MSR1: variants seen among roughly 807,000 people sequenced by gnomAD.
MSR1 encodes macrophage scavenger receptor types I and II.
Under a neutral mutation model 47.2 loss-of-function variants are expected in MSR1, and 53 were observed. That is an observed-to-expected ratio of 1.12 (90% CI 0.90 to 1.41). The LOEUF (loss-of-function observed/expected upper bound fraction) is 1.41, where lower values mean the gene tolerates loss of function less well. Among genes scored for constraint, MSR1 ranks in the 40% most tolerant of loss-of-function variants. MSR1 has a pLI of 0.00. For missense variants in MSR1, 786 were observed against 546.9 expected (o/e 1.44, Z -4.36); for synonymous variants, 239 against 185.6 (o/e 1.29, Z -2.34).
chr8:16,111,965 C>G (rs113279335), intron 9 of MSR1, among the ~76,000 whole-genome samples: 15,434 of 152,086 alleles, frequency 0.1, 977 homozygotes, highest in South Asian at 0.2. Context: ...TAGCAAATCT[C>G]CTTTGGTGCC....
At chr8:16,147,069 C>A (rs537938990) in intron 7 of MSR1, among the ~76,000 whole-genome samples, 21 of 152,222 alleles carry the variant, frequency 1.4e-4, no homozygotes, top group African/African-American at 5.1e-4. Flanking sequence ...GACAGAAGTA[C>A]GTTATTTGCA....
At chr8:16,186,154 C>A in intron 1 of MSR1, 1 of 1,533,512 alleles carries the variant, frequency 6.5e-7, no homozygotes, top group Admixed American at 2.0e-5. Flanking sequence ...GTTGTTCATG[C>A]TCACGGTTTT....
At chr8:16,134,831 T>C (rs1800351026) in intron 8 of MSR1, among the ~76,000 whole-genome samples, 1 of 152,154 alleles carries the variant, frequency 6.6e-6, no homozygotes, top group Non-Finnish European at 1.5e-5. Flanking sequence ...CAAACCACCT[T>C]ATTGCCGATA....
intron 4 of MSR1, among the ~76,000 whole-genome samples, chr8:16,168,086 A>G (rs1585180714): frequency 6.6e-6 from 1 of 152,182 alleles, no homozygotes; most frequent in Admixed American, 6.5e-5. Context: ...AAAAAATCTA[A>G]GCATATCAAA....
chr8:16,112,297 C>T (rs1484505795), intron 9 of MSR1, among the ~76,000 whole-genome samples: 1 of 152,012 alleles, frequency 6.6e-6, no homozygotes, highest in Non-Finnish European at 1.5e-5. Flanking sequence ...TTTATAATAA[C>T]CTTGTTAAAT....
intron 9 of MSR1, among the ~76,000 whole-genome samples, chr8:16,118,459 T>A (rs1799926316): frequency 6.6e-6 from 1 of 152,144 alleles, no homozygotes; most frequent in African/African-American, 2.4e-5. Context: ...AAACGTGGGC[T>A]GGGTGGCGTG....
In MSR1 at chr8:16,183,867, A is replaced by C. The variant is rs865883462; in HGVS notation, c.-4-5875T>G. 3.4e-4 allele frequency among the ~76,000 whole-genome samples: 49 copies of C among 143,524 alleles called. No homozygotes were observed. The Middle Eastern group carries it at 0.014, about 42-fold the overall frequency. 94.2% of individuals were successfully genotyped at this position (143,524 alleles called of 152,430 possible). ...ATAGAATTGGCAATATATAATATTA[A>C]ATATATTTATATTATTATATAATAT... On this transcript the variant is annotated intron_variant, in intron 1 of 9. Coordinates refer to ENST00000262101, the MANE Select transcript of MSR1 (RefSeq NM_138715.3).
chr8:16,164,244 C>G lies in MSR1; in HGVS notation c.638G>C (p.Ser213Thr). The G allele has an allele frequency of 6.2e-7, 1 of 1,611,302 alleles. No homozygotes were observed. The highest frequency in any genetic ancestry group is 8.5e-7 in the Non-Finnish European group (1 of 1,178,454). ...ENTFKQQEEI[S>T]KLEERVYNVS... ...ATTGTAAACACGCTCCTCTAATTTA[C>G]TGATTTCCTGTAAAACATAAGTGAG... Residue 213 changes from serine to threonine, a missense_variant, in exon 5 of 10, where the codon AGT becomes ACT. Physicochemically the swap from Ser to Thr is moderately conservative, Grantham distance 58. Coordinates refer to ENST00000262101, the MANE Select transcript of MSR1 (RefSeq NM_138715.3).
At chr8:16,162,900 G>A (rs1313094175) in intron 5 of MSR1, among the ~76,000 whole-genome samples, 1 of 151,588 alleles carries the variant, frequency 6.6e-6, no homozygotes, top group Non-Finnish European at 1.5e-5. Context: ...CCACAAGATT[G>A]TCTGTATAAA....
chr8:16,141,466 T>C (rs1800555400), intron 8 of MSR1, among the ~76,000 whole-genome samples: 3 of 152,124 alleles, frequency 2.0e-5, no homozygotes. Flanking sequence ...TGTGTAGCCA[T>C]TGAGAGAAAA....
intron 9 of MSR1, among the ~76,000 whole-genome samples, chr8:16,113,019 C>T (rs763428260): frequency 6.9e-6 from 1 of 145,128 alleles, no homozygotes; most frequent in East Asian, 2.0e-4. Flanking sequence ...GGCGTGATCT[C>T]GGCTCACTGC....
At chr8:16,133,073 G>T (rs902394669) in intron 8 of MSR1, among the ~76,000 whole-genome samples, 2 of 152,066 alleles carry the variant, frequency 1.3e-5, no homozygotes, top group Admixed American at 6.6e-5. Context: ...CACATTTATT[G>T]ATTTGCAAAC....
At chr8:16,175,382 A>G (rs2117202534) in intron 2 of MSR1, 82 bp from the exon 3 acceptor site, 1 of 1,106,852 alleles carries the variant, frequency 9.0e-7, no homozygotes, top group East Asian at 2.5e-5. Flanking sequence ...CTCCAATTAT[A>G]TTCTTACTAC....
In MSR1 at chr8:16,168,472, AG is replaced by A; in HGVS notation, c.615del (p.Phe206SerfsTer10). Reference sequence around the variant, plus strand: ...CAAACTCTTACCTCTTGTTGTTTGAAGGTATTCTCTTGGATTTTGCCATTCA... The same window carrying A: ...CAAACTCTTACCTCTTGTTGTTTGAAGTATTCTCTTGGATTTTGCCATTCA... ...ENLNGKIQEN[T>X]FKQQEEISKL... On this transcript the variant is annotated frameshift_variant, in exon 4 of 10. Transcript: ENST00000262101. LOFTEE classifies it high-confidence loss of function. The A allele has an allele frequency of 9.9e-6, 16 of 1,614,102 alleles. No homozygotes were observed. The highest frequency in any genetic ancestry group is 1.4e-5 in the Non-Finnish European group (16 of 1,179,998).
intron 1 of MSR1, among the ~76,000 whole-genome samples, chr8:16,178,850 G>T (rs1214570714): frequency 6.6e-6 from 1 of 151,868 alleles, no homozygotes; most frequent in African/African-American, 2.4e-5. Flanking sequence ...TTTCTCTGAT[G>T]GCCAGTGATG....
chr8:16,135,310 T>C (rs1209151017), intron 8 of MSR1, among the ~76,000 whole-genome samples: 1 of 152,174 alleles, frequency 6.6e-6, no homozygotes. Context: ...GCTCATTTGC[T>C]ATTCTGAAAA....
chr8:16,185,070 TG>T (rs1348499003), intron 1 of MSR1, among the ~76,000 whole-genome samples: 1 of 151,938 alleles, frequency 6.6e-6, no homozygotes, highest in African/African-American at 2.4e-5. Flanking sequence ...TTGTGCACCA[TG>T]GGAAGTCTGT....
rs73205031 is a variant in MSR1, at chr8:16,153,178, G to A, written c.898+1886C>T. Among the ~76,000 whole-genome samples the A allele has an allele frequency of 1.5e-3, 224 of 152,118 alleles. 1 individual carries two copies. The highest frequency in any genetic ancestry group is 2.5e-3 in the Non-Finnish European group (173 of 67,976). ...AGTTTAGTAGGCTCAAATGGATGTAGAGATGGGGAAGCAATAAACCTGCTC... is the reference window on the plus strand; with the variant it reads ...AGTTTAGTAGGCTCAAATGGATGTAAAGATGGGGAAGCAATAAACCTGCTC... On this transcript the variant is annotated intron_variant, in intron 6 of 9. Coordinates refer to ENST00000262101, the MANE Select transcript of MSR1 (RefSeq NM_138715.3).
chr8:16,166,332 T>C (rs1217953312), intron 4 of MSR1, among the ~76,000 whole-genome samples: 1 of 151,216 alleles, frequency 6.6e-6, no homozygotes, highest in African/African-American at 2.4e-5. Flanking sequence ...TAATTTTTTT[T>C]TTTTTAATTT....
Sources: gnomAD v4.1 joint callset for allele counts (sites outside exome capture counted in the v4.1 genomes callset) on GRCh38, gnomAD v4.1.1 for gene constraint, MANE v1.5 for transcripts, NCBI Gene and HGNC (gene_info 2026-07-23, HGNC 2026-07-21) for gene names.